The following CSMD1 variants were observed in gnomAD, a reference collection of about 807,000 sequenced individuals.
The protein encoded by CSMD1 is CUB and Sushi multiple domains 1.
A neutral mutation model predicts 417.5 loss-of-function variants in CSMD1; 213 were observed. The ratio of observed to expected loss-of-function variants is 0.51; its 90% CI spans 0.46 to 0.57. The LOEUF (loss-of-function observed/expected upper bound fraction) is 0.57, where lower values mean the gene tolerates loss of function less well. CSMD1 is among the 20% of genes least tolerant of loss of function. The probability of loss-of-function intolerance (pLI) is 0.00; values close to 1 mark genes in which losing one functional copy is unlikely to be tolerated. For synonymous variants in CSMD1, 2,862 were observed against 1,736.8 expected (o/e 1.65, Z -16.11); for missense variants, 6,923 against 4,529.7 (o/e 1.53, Z -15.17).
Position 4,637,338 on chromosome 8 carries a change from T to G in CSMD1, c.302+4A>C. 6.2e-7 allele frequency: 1 copy of G among 1,604,054 alleles called. No individual in the cohort carries two copies. ...AACTGTAATATAAAAAGTTGATACC[T>G]TACCTCACTTTTAAATTCCCTTGTT... is the stretch of plus-strand genomic sequence containing the variant. On this transcript the variant is annotated splice_donor_region_variant and intron_variant, in intron 2 of 69. Transcript: ENST00000635120.
chr8:3,768,236 C>A (rs1190562144), intron 5 of CSMD1, among the ~76,000 whole-genome samples: 1 of 152,096 alleles, frequency 6.6e-6, no homozygotes, highest in Non-Finnish European at 1.5e-5. Context: ...TGGCCAATGG[C>A]AACAAGGCGG....
intron 3 of CSMD1, among the ~76,000 whole-genome samples, chr8:4,286,838 T>C (rs1006342315): frequency 6.6e-6 from 1 of 152,220 alleles, no homozygotes; most frequent in South Asian, 2.1e-4. Flanking sequence ...CTGTTGCTGT[T>C]TGTTATTAGG....
intron 11 of CSMD1, among the ~76,000 whole-genome samples, chr8:3,475,950 C>G (rs7464308): frequency 0.75 from 114,432 of 152,202 alleles, 43,410 homozygotes; most frequent in East Asian, 0.88. Flanking sequence ...GGTTACTTGT[C>G]ATTTTACTGT....
chr8:4,751,886 A>C (rs899756372), intron 1 of CSMD1, among the ~76,000 whole-genome samples: 8 of 152,150 alleles, frequency 5.3e-5, no homozygotes, highest in African/African-American at 1.4e-4. Flanking sequence ...CCAATTAATC[A>C]TCCACTTTCT....
At chr8:4,171,528 G>T (rs532211780) in intron 3 of CSMD1, among the ~76,000 whole-genome samples, 15 of 151,724 alleles carry the variant, frequency 9.9e-5, no homozygotes, top group African/African-American at 3.2e-4. Flanking sequence ...TTCTTTAGTT[G>T]ACACTTAACA....
chr8:4,452,852 G>C (rs372052679), intron 2 of CSMD1, among the ~76,000 whole-genome samples: 14 of 152,104 alleles, frequency 9.2e-5, no homozygotes, highest in African/African-American at 2.2e-4. Context: ...GGCAAAATGA[G>C]AAGGTGATAT....
At chr8:3,368,529 A>C (rs11774310) in intron 19 of CSMD1, among the ~76,000 whole-genome samples, 67,611 of 151,824 alleles carry the variant, frequency 0.45, 15,071 homozygotes, top group Admixed American at 0.53. Flanking sequence ...AGTAGAGACA[A>C]GGTTCCACCA....
At chr8:3,517,995 G>A (rs1001088441) in intron 10 of CSMD1, among the ~76,000 whole-genome samples, 5 of 152,100 alleles carry the variant, frequency 3.3e-5, no homozygotes, top group Non-Finnish European at 1.5e-5. Context: ...TATAAATCAT[G>A]TAGGTGAACT....
intron 7 of CSMD1, among the ~76,000 whole-genome samples, chr8:3,669,310 T>C (rs1398958156): frequency 1.3e-5 from 2 of 152,194 alleles, no homozygotes; most frequent in African/African-American, 2.4e-5. Flanking sequence ...GTTGCCTGTT[T>C]GTGTGAGCAA....
chr8:4,702,182 T>A (rs1807603113), intron 1 of CSMD1, among the ~76,000 whole-genome samples: 1 of 152,116 alleles, frequency 6.6e-6, no homozygotes, highest in Non-Finnish European at 1.5e-5. Context: ...AGGTGATGGG[T>A]TGACAGGTGC....
chr8:4,425,557 C>G (rs867009595), intron 2 of CSMD1, among the ~76,000 whole-genome samples: 1 of 152,042 alleles, frequency 6.6e-6, no homozygotes, highest in Non-Finnish European at 1.5e-5. Context: ...AGACTCACTC[C>G]TTGGTGGCTC....
intron 3 of CSMD1, among the ~76,000 whole-genome samples, chr8:4,324,683 G>C (rs1799455870): frequency 6.6e-6 from 1 of 152,130 alleles, no homozygotes; most frequent in Non-Finnish European, 1.5e-5. Flanking sequence ...AGGATATAAG[G>C]GCAAAATCCA....
At chr8:4,926,927 C>G (rs1486631743) in intron 1 of CSMD1, among the ~76,000 whole-genome samples, 6 of 151,846 alleles carry the variant, frequency 4.0e-5, no homozygotes, top group Non-Finnish European at 8.8e-5. Context: ...ATTTTTAAAC[C>G]ATTTACTTGG....
At chr8:3,486,810 A>C (rs1359547211) in intron 11 of CSMD1, among the ~76,000 whole-genome samples, 1 of 152,164 alleles carries the variant, frequency 6.6e-6, no homozygotes, top group Non-Finnish European at 1.5e-5. Context: ...CTGCTAGCCC[A>C]AATCCAAAAT....
chr8:4,104,682 G>T (rs7000071), intron 3 of CSMD1, among the ~76,000 whole-genome samples: 150,922 of 152,260 alleles, frequency 0.99, 74,812 homozygotes, highest in Middle Eastern at 1. Flanking sequence ...AAACAGCACA[G>T]TTCCAGGCGG....
intron 42 of CSMD1, among the ~76,000 whole-genome samples, chr8:3,114,988 T>G (rs938808536): frequency 2.0e-5 from 3 of 152,186 alleles, no homozygotes; most frequent in Non-Finnish European, 4.4e-5. Flanking sequence ...TAAGTCAAGT[T>G]TATTATGATA....
intron 1 of CSMD1, among the ~76,000 whole-genome samples, chr8:4,651,934 G>C (rs1423954261): frequency 6.6e-6 from 1 of 152,284 alleles, no homozygotes; most frequent in South Asian, 2.1e-4. Context: ...TTAGAGACCT[G>C]ATAGGGAGAA....
intron 26 of CSMD1, among the ~76,000 whole-genome samples, chr8:3,239,817 G>T (rs978913739): frequency 1.3e-5 from 2 of 152,108 alleles, no homozygotes; most frequent in Non-Finnish European, 1.5e-5. Context: ...GAAATGGGGT[G>T]AATGTCAGAT....
chr8:4,754,442 T>C (rs1201089376), intron 1 of CSMD1, among the ~76,000 whole-genome samples: 2 of 152,180 alleles, frequency 1.3e-5, no homozygotes, highest in Non-Finnish European at 2.9e-5. Context: ...AACTAACTTG[T>C]ATACTTCCCA....
Sources: allele counts gnomAD v4.1 joint callset (sites outside exome capture counted in the v4.1 genomes callset), GRCh38; gene constraint gnomAD v4.1.1; transcripts MANE v1.5; gene names NCBI Gene and HGNC (gene_info 2026-07-23, HGNC 2026-07-21).